The following RPL23 variants were observed in gnomAD, a reference collection of about 807,000 sequenced individuals.
RPL23 encodes the protein ribosomal protein L23.
For missense variants in RPL23, 79 were observed against 178.8 expected (o/e 0.44, Z 3.18); for synonymous variants, 63 against 65.3 (o/e 0.97, Z 0.17).
intron 1 of RPL23, 198 bp downstream of exon 1, chr17:38,853,500 G>A (rs1239056007): frequency 4.1e-6 from 3 of 730,120 alleles, no homozygotes; most frequent in East Asian, 2.7e-5. Flanking sequence ...CATTCACGTC[G>A]GGATCCTGCC....
chr17:38,853,179 C>G (rs965777034), intron 1 of RPL23, 74 bp from the exon 2 acceptor site: 3 of 1,157,120 alleles, frequency 2.6e-6, no homozygotes, highest in Non-Finnish European at 3.9e-6. Flanking sequence ...CCCCCTCATA[C>G]TCAAGCTGTA....
At position 38,848,244 on chromosome 17, in the gene RPL23, A is replaced by T. The variant is rs1567685675; in HGVS notation, c.*1888T>A. ...CTCTCTAAAACTAGAGATTTAATAC[A>T]TTTTTTTTCTTTCCCCCCAGAGTTT... is the stretch of plus-strand genomic sequence containing the variant. On this transcript the variant is annotated 3_prime_UTR_variant, in exon 5 of 5. Transcript: ENST00000479035. The T allele has an allele frequency of 3.0e-6, 2 of 676,742 alleles. No individual in the cohort carries two copies. Among genetic ancestry groups the T allele is most frequent in the East Asian group, 3.7e-5 (1 of 27,088 alleles). 41.9% of individuals were successfully genotyped at this position (676,742 alleles called of 1,614,324 possible).
rs1262889534 is a variant in RPL23 at position 38,850,300 on chromosome 17, G to A, written c.340+62C>T. On this transcript the variant is annotated intron_variant, in intron 4 of 4. Coordinates refer to ENST00000479035, the MANE Select transcript of RPL23 (RefSeq NM_000978.4). ...GTCAAACACAGAAGATCCTTGGCCT[G>A]TACTTCTAGACAATCCACCCAACCT... 6 of 1,557,154 alleles carry A rather than the reference G, an allele frequency of 3.9e-6. No homozygotes were observed. In the East Asian group the frequency reaches 1.3e-4, roughly 35 times the overall value.
At chr17:38,853,413 C>G in intron 1 of RPL23, 1 of 714,602 alleles carries the variant, frequency 1.4e-6, no homozygotes, top group Non-Finnish European at 2.6e-6. Flanking sequence ...GTCGCGCAAA[C>G]CAGGGCCTAA....
rs1567686407 is a variant in RPL23 at position 38,850,484 on chromosome 17, A to G, written c.227-9T>C. 1 of 1,596,760 alleles carries G rather than the reference A, an allele frequency of 6.3e-7. No homozygotes were observed. Among genetic ancestry groups the G allele is most frequent in the African/African-American group, 1.3e-5 (1 of 74,628 alleles). ...GACCACTGCTGGATGTACTGAGAGAAGAAAAAAGGACAGCAGTCATTAACC... is the reference window on the plus strand; with the variant it reads ...GACCACTGCTGGATGTACTGAGAGAGGAAAAAAGGACAGCAGTCATTAACC... On this transcript the variant is annotated splice_polypyrimidine_tract_variant and intron_variant, in intron 3 of 4. Coordinates refer to ENST00000479035, the MANE Select transcript of RPL23 (RefSeq NM_000978.4).
At chr17:38,853,455 C>A in intron 1 of RPL23, 1 of 718,566 alleles carries the variant, frequency 1.4e-6, no homozygotes, top group Non-Finnish European at 2.6e-6. Context: ...TTACGATAGC[C>A]CTATTCGCGG....
intron 1 of RPL23, 175 bp downstream of exon 1, chr17:38,853,523 C>T (rs369383596): frequency 3.8e-5 from 29 of 772,802 alleles, no homozygotes; most frequent in East Asian, 1.3e-4. Context: ...CTCAACTCTC[C>T]AGCACCCCAC....
rs1165823764 is a variant in RPL23, at chr17:38,848,947, T to C, written c.*1185A>G. ...ACAAACACCCATTTTTCCAAAACGC[T>C]GGGTGTCACCTAAATAAACTCTTAC... On this transcript the variant is annotated 3_prime_UTR_variant, in exon 5 of 5. Transcript: ENST00000479035. 6.6e-6 allele frequency: 1 copy of C among 152,184 alleles called. No homozygotes were observed. The highest frequency in any genetic ancestry group is 1.5e-5 in the Non-Finnish European group (1 of 68,032). The allele number at this position is 152,184 out of a possible 1,614,324, so 9.4% of individuals were successfully genotyped here.
Position 38,849,892 on chromosome 17 carries a change from G to T in RPL23, c.*240C>A, listed in dbSNP as rs1032308853. On this transcript the variant is annotated 3_prime_UTR_variant, in exon 5 of 5. Transcript: ENST00000479035. ...CAAAAACACTGTAGAGGCCTGGGTGGGCAGATCACTTGAGATCAGGAGTTT... is the reference window on the plus strand; with the variant it reads ...CAAAAACACTGTAGAGGCCTGGGTGTGCAGATCACTTGAGATCAGGAGTTT... 5 of 407,332 alleles carry T rather than the reference G, an allele frequency of 1.2e-5. No individual in the cohort carries two copies. Among genetic ancestry groups the T allele is most frequent in the Admixed American group, 4.1e-5 (1 of 24,510 alleles). 25.2% of individuals were successfully genotyped at this position (407,332 alleles called of 1,614,324 possible).
Position 38,848,078 on chromosome 17 carries a change from T to A in RPL23, c.*2054A>T. Reference sequence around the variant, plus strand: ...CAAGACTGCCTCAGAAAAGATAACATTCAAAAACAGCAGCGATTAGTGGTT... The same window carrying A: ...CAAGACTGCCTCAGAAAAGATAACAATCAAAAACAGCAGCGATTAGTGGTT... On this transcript the variant is annotated 3_prime_UTR_variant, in exon 5 of 5. Coordinates refer to ENST00000479035, the MANE Select transcript of RPL23 (RefSeq NM_000978.4). 6.5e-7 allele frequency: 1 copy of A among 1,530,134 alleles called. No individual in the cohort carries two copies. The allele number at this position is 1,530,134 out of a possible 1,614,324, so 94.8% of individuals were successfully genotyped here.
chr17:38,848,133 A>T lies in RPL23; in HGVS notation c.*1999T>A, dbSNP rs1489832735. 1 of 1,397,734 alleles carries T rather than the reference A, an allele frequency of 7.2e-7. No homozygotes were observed. Among genetic ancestry groups the T allele is most frequent in the African/African-American group, 1.5e-5 (1 of 68,412 alleles). 86.6% of individuals were successfully genotyped at this position (1,397,734 alleles called of 1,614,324 possible). On this transcript the variant is annotated 3_prime_UTR_variant, in exon 5 of 5. Coordinates refer to ENST00000479035, the MANE Select transcript of RPL23 (RefSeq NM_000978.4). ...TATAAGGATCATATATTGCCATAAT[A>T]TATAAAGACATAAATGGTGGGCCTA...
At position 38,849,725 on chromosome 17, in the gene RPL23, AAAT is replaced by A. The variant is rs1354961956; in HGVS notation, c.*404_*406del. ...CTATTATTTTTGGGACTCAAAACCC[AAAT>A]AATACTTTTTGAGGCCAAAATTGTA... On this transcript the variant is annotated 3_prime_UTR_variant, in exon 5 of 5. Transcript: ENST00000479035. The A allele has an allele frequency of 1.3e-5, 2 of 159,994 alleles. No individual in the cohort carries two copies. The highest frequency in any genetic ancestry group is 2.4e-5 in the African/African-American group (1 of 41,658). 9.9% of individuals were successfully genotyped at this position (159,994 alleles called of 1,614,324 possible). A position where few individuals can be genotyped will look rare whatever the true frequency, so the allele number is the denominator to read the frequency against.
At position 38,848,126 on chromosome 17, in the gene RPL23, C is replaced by T. The variant is rs372319371; in HGVS notation, c.*2006G>A. 2 of 1,409,654 alleles carry T rather than the reference C, an allele frequency of 1.4e-6. No individual in the cohort carries two copies. Among genetic ancestry groups the T allele is most frequent in the Non-Finnish European group, 9.3e-7 (1 of 1,072,944 alleles). The allele number at this position is 1,409,654 out of a possible 1,614,324, so 87.3% of individuals were successfully genotyped here. A position where few individuals can be genotyped will look rare whatever the true frequency, so the allele number is the denominator to read the frequency against. On this transcript the variant is annotated 3_prime_UTR_variant, in exon 5 of 5. Transcript: ENST00000479035. ...GTTAATATATAAGGATCATATATTGCCATAATATATAAAGACATAAATGGT... is the reference window on the plus strand; with the variant it reads ...GTTAATATATAAGGATCATATATTGTCATAATATATAAAGACATAAATGGT...
In RPL23 at chr17:38,849,032, G is replaced by A. The variant is rs992603799; in HGVS notation, c.*1100C>T. 2.0e-5 allele frequency: 3 copies of A among 152,046 alleles called. No homozygotes were observed. Among genetic ancestry groups the A allele is most frequent in the African/African-American group, 7.2e-5 (3 of 41,394 alleles). The allele number at this position is 152,046 out of a possible 1,614,324, so 9.4% of individuals were successfully genotyped here. On this transcript the variant is annotated 3_prime_UTR_variant, in exon 5 of 5. Transcript: ENST00000479035. The stretch of plus-strand genomic sequence containing the variant: ...TAAGGCCAAGTCCCTTATTATCAGC[G>A]CTTTATGCCTGTTCAGTTGGCAAAA...
At position 38,848,000 on chromosome 17, in the gene RPL23, A is replaced by C; in HGVS notation, c.*2132T>G. ...AGGAGGATTCCAAGTCCAGCAGTTC[A>C]AAGTTACAGTGAGCTTCAGTGGTGT... On this transcript the variant is annotated 3_prime_UTR_variant, in exon 5 of 5. Coordinates refer to ENST00000479035, the MANE Select transcript of RPL23 (RefSeq NM_000978.4). The C allele has an allele frequency of 1.3e-6, 2 of 1,550,200 alleles. No individual in the cohort carries two copies. Among genetic ancestry groups the C allele is most frequent in the Non-Finnish European group, 1.7e-6 (2 of 1,146,874 alleles).
intron 3 of RPL23, chr17:38,851,667 C>G (rs538568386): frequency 6.6e-6 from 1 of 152,210 alleles, no homozygotes; most frequent in Non-Finnish European, 1.5e-5. Flanking sequence ...AGGAAAAAGC[C>G]CATGCAATTG....
rs1052841907 is a variant in RPL23 at position 38,849,157 on chromosome 17, C to A, written c.*975G>T. On this transcript the variant is annotated 3_prime_UTR_variant, in exon 5 of 5. Transcript: ENST00000479035. Reference sequence around the variant, plus strand: ...TTTCATAGCAAAATACCTGTAGGTACCATCAACTTAATCATCTTCCACTAT... The same window carrying A: ...TTTCATAGCAAAATACCTGTAGGTAACATCAACTTAATCATCTTCCACTAT... The A allele has an allele frequency of 2.0e-5, 3 of 152,136 alleles. No individual in the cohort carries two copies. Among genetic ancestry groups the A allele is most frequent in the Non-Finnish European group, 2.9e-5 (2 of 68,034 alleles). The allele number at this position is 152,136 out of a possible 1,614,324, so 9.4% of individuals were successfully genotyped here. A position where few individuals can be genotyped will look rare whatever the true frequency, so the allele number is the denominator to read the frequency against.
intron 2 of RPL23, 81 bp from the exon 3 acceptor site, chr17:38,852,813 C>A: frequency 6.3e-7 from 1 of 1,596,860 alleles, no homozygotes; most frequent in Non-Finnish European, 8.6e-7. Flanking sequence ...CCAAACACTT[C>A]CAAAGCCCCT....
chr17:38,853,135 TAA>T (rs1215804951), intron 1 of RPL23, 30 bp from the exon 2 acceptor site: 3 of 1,548,132 alleles, frequency 1.9e-6, no homozygotes, highest in South Asian at 1.1e-5. Flanking sequence ...GGAAACAGGA[TAA>T]AGAGATCACA....
Sources: gnomAD v4.1 joint callset for allele counts on GRCh38, gnomAD v4.1.1 for gene constraint, MANE v1.5 for transcripts, NCBI Gene and HGNC (gene_info 2026-07-23, HGNC 2026-07-21) for gene names.